Variants in ACAD10 observed in about 807,000 individuals in gnomAD.
The protein encoded by ACAD10 is ACAD-10.
In ACAD10, 112 loss-of-function variants were observed where a neutral mutation model predicts 116.8. The observed-to-expected ratio is 0.96, with a 90% CI of 0.82 to 1.12. The LOEUF is 1.12. ACAD10 is among the 50% of genes most tolerant of loss of function. The pLI, the probability that ACAD10 is intolerant of heterozygous loss-of-function variation, is 0.00. For missense variants in ACAD10, 1,259 were observed against 1,350.2 expected, an observed-to-expected ratio of 0.93 and a Z score of 1.06; for synonymous variants, 486 against 510.6, an observed-to-expected ratio of 0.95 and a Z score of 0.65.
chr12:111,721,575 A>G, intron 7 of ACAD10, 96 bp from the exon 8 acceptor site: 1 of 1,251,706 alleles, frequency 8.0e-7, no homozygotes, highest in Non-Finnish European at 1.1e-6. Context: ...CTCAAAAAAC[A>G]AAACAAACAA....
chr12:111,700,773 T>TA (rs1398627850), intron 2 of ACAD10, among the ~76,000 whole-genome samples: 2 of 146,716 alleles, frequency 1.4e-5, no homozygotes, highest in Admixed American at 6.8e-5. Context: ...TTTTTTTTTT[T>TA]AAGACATGGG....
At chr12:111,746,052 T>C in intron 13 of ACAD10, 92 bp from the exon 14 acceptor site, 1 of 1,514,886 alleles carries the variant, frequency 6.6e-7, no homozygotes, top group Non-Finnish European at 8.9e-7. Context: ...GTTGTCTGCC[T>C]TGTTTCCTCC....
In ACAD10 at chr12:111,686,986, G is replaced by T. The variant is rs542635255; in HGVS notation, c.-14+747G>T. Among the ~76,000 whole-genome samples, 387 of 152,296 alleles carry T rather than the reference G, an allele frequency of 2.5e-3. 4 individuals carry two copies. Among genetic ancestry groups the T allele is most frequent in the African/African-American group, 8.8e-3 (365 of 41,534 alleles). Reference sequence around the variant, plus strand: ...CATGTCCTCATGCAGTTGTGAGGATGAAATGGAATTATGTATATGGAGATA... The same window carrying T: ...CATGTCCTCATGCAGTTGTGAGGATTAAATGGAATTATGTATATGGAGATA... On this transcript the variant is annotated intron_variant, in intron 1 of 20. Coordinates refer to ENST00000313698, the MANE Select transcript of ACAD10 (RefSeq NM_025247.6).
In ACAD10 at chr12:111,744,924, C is replaced by T. The variant is rs753278857; in HGVS notation, c.1996C>T (p.Leu666=). ...PESLSPPVRE[L]YHRLKHFMEQ... ...GAGCCTCTCTCCACCTGTCAGAGAG[C>T]TGTATCACCGGCTGAAGCACTTCAT... The change falls in exon 13 of 21, where the codon CTG becomes TTG. Residue 666 remains leucine, a synonymous_variant. Transcript: ENST00000313698. The T allele has an allele frequency of 9.9e-6, 16 of 1,614,194 alleles. No individual in the cohort carries two copies. The highest frequency in any genetic ancestry group is 1.4e-5 in the Non-Finnish European group (16 of 1,180,038).
Position 111,727,953 on chromosome 12 carries a change from T to G in ACAD10, c.1062-9T>G, listed in dbSNP as rs368138546. On this transcript the variant is annotated splice_polypyrimidine_tract_variant and intron_variant, in intron 8 of 20. Transcript: ENST00000313698. Reference sequence around the variant, plus strand: ...CTGATCCCTGAAACCCCTTCTGTGTTCCTCCCAGTGTCATTGGCACCCCCT... The same window carrying G: ...CTGATCCCTGAAACCCCTTCTGTGTGCCTCCCAGTGTCATTGGCACCCCCT... 2.6e-5 allele frequency: 42 copies of G among 1,603,174 alleles called. No homozygotes were observed. The African/African-American group carries it at 5.5e-4, about 21-fold the overall frequency.
In ACAD10 at chr12:111,745,032, G is replaced by A. The variant is rs147958599; in HGVS notation, c.2104G>A (p.Glu702Lys). 1.1e-5 allele frequency: 17 copies of A among 1,612,800 alleles called. No individual in the cohort carries two copies. Among genetic ancestry groups the A allele is most frequent in the African/African-American group, 5.3e-5 (4 of 74,898 alleles). ...AARWSPSPLI[E>K]DLKEKAKAEG... is the part of the protein sequence containing the mutation. ...CAGGTGGAGCCCCTCCCCACTGATC[G>A]AAGACCTCAAGGTAAAGCAGCCATG... The change falls in exon 13 of 21, where the codon GAA (glutamate) becomes AAA (lysine). Residue 702 changes from glutamate to lysine, a missense_variant. Physicochemically the swap from Glu to Lys is moderately conservative, Grantham distance 56. Coordinates refer to ENST00000313698, the MANE Select transcript of ACAD10 (RefSeq NM_025247.6).
intron 7 of ACAD10, among the ~76,000 whole-genome samples, chr12:111,717,970 T>C (rs993328330): frequency 7.2e-5 from 11 of 151,936 alleles, no homozygotes; most frequent in African/African-American, 2.4e-4. Context: ...ACCTAAGCTG[T>C]TGAATTTATG....
chr12:111,738,703 C>T (rs1889645888), intron 12 of ACAD10, among the ~76,000 whole-genome samples: 1 of 151,862 alleles, frequency 6.6e-6, no homozygotes, highest in African/African-American at 2.4e-5. Context: ...CACATCTCTA[C>T]TAAAAATACA....
chr12:111,741,445 C>G (rs561260911), intron 12 of ACAD10, among the ~76,000 whole-genome samples: 1 of 152,292 alleles, frequency 6.6e-6, no homozygotes, highest in South Asian at 2.1e-4. Flanking sequence ...TGTCCTCAGC[C>G]TGTCTCTCAG....
intron 2 of ACAD10, among the ~76,000 whole-genome samples, chr12:111,696,042 C>G (rs749843063): frequency 7.3e-5 from 11 of 150,422 alleles, no homozygotes; most frequent in Non-Finnish European, 1.2e-4. Flanking sequence ...TATATATATA[C>G]ACTAGAATTA....
chr12:111,715,854 A>G lies in ACAD10; in HGVS notation c.884A>G (p.Gln295Arg), dbSNP rs1173034581. Residue 295 changes from glutamine (Q) to arginine (R), a missense_variant, in exon 7 of 21, where the codon CAG becomes CGG. Transcript: ENST00000313698. ...PLELLQFDHGQSNPTYYIRLA... is the reference protein window; with the variant it reads ...PLELLQFDHGRSNPTYYIRLA... ...GAACTACTTCAGTTTGATCACGGGC[A>G]GTCAAATCCAACTTACTACATCAGG... The G allele has an allele frequency of 1.2e-6, 2 of 1,614,178 alleles. No individual in the cohort carries two copies. Among genetic ancestry groups the G allele is most frequent in the Admixed American group, 3.3e-5 (2 of 60,016 alleles).
chr12:111,749,346 G>A lies in ACAD10; in HGVS notation c.2817+1G>A, dbSNP rs140978098. 118 of 1,611,352 alleles carry A rather than the reference G, an allele frequency of 7.3e-5. No homozygotes were observed. Among genetic ancestry groups the A allele is most frequent in the Middle Eastern group, 3.3e-4 (2 of 6,044 alleles). Reference sequence around the variant, plus strand: ...GGCCCTGGCACTCATGAAGGCCCGCGTGAGTGCTTTCCCCCGCACCCAGCA... The same window carrying A: ...GGCCCTGGCACTCATGAAGGCCCGCATGAGTGCTTTCCCCCGCACCCAGCA... On this transcript the variant is annotated splice_donor_variant, in intron 18 of 20. Transcript: ENST00000313698. LOFTEE classifies it high-confidence loss of function.
At chr12:111,752,552 T>C (rs1027250187) in intron 18 of ACAD10, among the ~76,000 whole-genome samples, 14 of 151,818 alleles carry the variant, frequency 9.2e-5, no homozygotes, top group African/African-American at 3.4e-4. Context: ...GAGGTTGCAG[T>C]GAGCCGAGAT....
chr12:111,731,305 C>T (rs1399014028), intron 10 of ACAD10, among the ~76,000 whole-genome samples: 1 of 152,028 alleles, frequency 6.6e-6, no homozygotes, highest in African/African-American at 2.4e-5. Context: ...GTGCTTCCCC[C>T]ACACTGCCTT....
intron 17 of ACAD10, 121 bp downstream of exon 17, chr12:111,748,596 T>A: frequency 4.5e-6 from 5 of 1,104,032 alleles, no homozygotes; most frequent in Non-Finnish European, 6.5e-6. Context: ...ATGATGACAT[T>A]TGGAGTCACA....
chr12:111,709,766 G>A, intron 5 of ACAD10, 82 bp downstream of exon 5: 1 of 1,387,816 alleles, frequency 7.2e-7, no homozygotes, highest in South Asian at 1.5e-5. Context: ...TACATTTGTA[G>A]CTCTAGCTTT....
At chr12:111,755,278 T>A (rs1890178071) in intron 19 of ACAD10, among the ~76,000 whole-genome samples, 1 of 152,076 alleles carries the variant, frequency 6.6e-6, no homozygotes, top group African/African-American at 2.4e-5. Context: ...AATTTTTGTA[T>A]TTTTTAGTAG....
In ACAD10 at chr12:111,725,805, A is replaced by C. The variant is rs1245191104; in HGVS notation, c.1062-2157A>C. Reference sequence around the variant, plus strand: ...CCGCCTCGGCCTCCCAAAGTGCTGGATTACAGGTATGAGCCACTGCACCCG... The same window carrying C: ...CCGCCTCGGCCTCCCAAAGTGCTGGCTTACAGGTATGAGCCACTGCACCCG... On this transcript the variant is annotated intron_variant, in intron 8 of 20. Coordinates refer to ENST00000313698, the MANE Select transcript of ACAD10 (RefSeq NM_025247.6). 2.0e-5 allele frequency among the ~76,000 whole-genome samples: 3 copies of C among 151,760 alleles called. No individual in the cohort carries two copies. The East Asian group carries it at 5.8e-4, about 29-fold the overall frequency.
chr12:111,732,690 A>G (rs1889423493), intron 10 of ACAD10, among the ~76,000 whole-genome samples: 2 of 152,340 alleles, frequency 1.3e-5, no homozygotes, highest in East Asian at 1.9e-4. Context: ...GAAAGAGGCT[A>G]TCTGGGGAGA....
Sources: allele counts gnomAD v4.1 joint callset (sites outside exome capture counted in the v4.1 genomes callset), GRCh38; gene constraint gnomAD v4.1.1; transcripts MANE v1.5; gene names NCBI Gene and HGNC (gene_info 2026-07-23, HGNC 2026-07-21).